Variants in ESYT2 observed in about 807,000 individuals in gnomAD.
ESYT2 encodes extended synaptotagmin 2.
A neutral mutation model predicts 107.2 loss-of-function variants in ESYT2; 54 were observed. The ratio of observed to expected loss-of-function variants is 0.50; its 90% confidence interval spans 0.40 to 0.63. The LOEUF (loss-of-function observed/expected upper bound fraction) is 0.63. Among genes scored for constraint, ESYT2 ranks in the 30% least tolerant of loss-of-function variants. The pLI, the probability that ESYT2 is intolerant of heterozygous loss-of-function variation, is 0.00. For synonymous variants in ESYT2, 491 were observed against 434.1 expected (o/e 1.13, Z -1.63); for missense variants, 1,020 against 1,094.5 (o/e 0.93, Z 0.96).
chr7:158,809,128 AG>A (rs1235139524), intron 1 of ESYT2, among the ~76,000 whole-genome samples: 3 of 152,046 alleles, frequency 2.0e-5, no homozygotes, highest in Non-Finnish European at 4.4e-5. Flanking sequence ...CCCACAGATA[AG>A]GGGGGGCTAC....
intron 4 of ESYT2, among the ~76,000 whole-genome samples, chr7:158,790,338 T>C (rs1488182243): frequency 6.6e-6 from 1 of 152,208 alleles, no homozygotes; most frequent in Non-Finnish European, 1.5e-5. Flanking sequence ...TCTGAGTTGC[T>C]AGACACTACA....
At chr7:158,784,766 A>C (rs1007356103) in intron 6 of ESYT2, among the ~76,000 whole-genome samples, 1 of 152,212 alleles carries the variant, frequency 6.6e-6, no homozygotes, top group Non-Finnish European at 1.5e-5. Context: ...AATAGGATTC[A>C]ATTTCTTCTC....
At chr7:158,769,028 T>C (rs1208149402) in intron 7 of ESYT2, among the ~76,000 whole-genome samples, 1 of 152,202 alleles carries the variant, frequency 6.6e-6, no homozygotes, top group African/African-American at 2.4e-5. Context: ...GTACTTTGCT[T>C]CTCGCCCGTA....
chr7:158,739,225 A>G, intron 18 of ESYT2, 104 bp from the exon 19 acceptor site: 1 of 953,682 alleles, frequency 1.0e-6, no homozygotes, highest in Non-Finnish European at 1.5e-6. Flanking sequence ...CATTTAGACA[A>G]AAAGAAGTCA....
chr7:158,795,702 C>T (rs1375425793), intron 3 of ESYT2, among the ~76,000 whole-genome samples: 1 of 151,998 alleles, frequency 6.6e-6, no homozygotes, highest in African/African-American at 2.4e-5. Flanking sequence ...GGCACTTTAA[C>T]TTGTAATTGT....
intron 11 of ESYT2, among the ~76,000 whole-genome samples, chr7:158,761,214 A>G (rs574813125): frequency 6.6e-6 from 1 of 152,332 alleles, no homozygotes; most frequent in African/African-American, 2.4e-5. Context: ...AGGGGATCGC[A>G]TATTTGTCTG....
Position 158,782,119 on chromosome 7 carries a change from G to C in ESYT2, c.747+5885C>G, listed in dbSNP as rs1838870359. 2.2e-5 allele frequency among the ~76,000 whole-genome samples: 3 copies of C among 133,516 alleles called. No homozygotes were observed. The Admixed American group carries it at 2.5e-4, about 11-fold the overall frequency. 87.6% of individuals were successfully genotyped at this position (133,516 alleles called of 152,430 possible). The stretch of plus-strand genomic sequence containing the variant: ...TGAACGACAACAAAGTGTGAGGTGT[G>C]AGTGTAAGAACGAGAACAAGTGAGT... On this transcript the variant is annotated intron_variant, in intron 6 of 22. Transcript: ENST00000275418.
chr7:158,800,317 G>C (rs1042825709), intron 1 of ESYT2, among the ~76,000 whole-genome samples: 3 of 152,164 alleles, frequency 2.0e-5, no homozygotes, highest in Admixed American at 6.5e-5. Flanking sequence ...AAAGTGCTGA[G>C]ATTATAGGTG....
intron 9 of ESYT2, among the ~76,000 whole-genome samples, chr7:158,763,431 A>T (rs2129472193): frequency 6.6e-6 from 1 of 152,054 alleles, no homozygotes; most frequent in Non-Finnish European, 1.5e-5. Context: ...AGTAGCTGGG[A>T]TTACAGGCAT....
rs200950002 is a variant in ESYT2 at position 158,781,295 on chromosome 7, C to T, written c.747+6709G>A. ...AGTGAACGAGTGTGAGAACAGTGTGCGGTGTGTGAGAACAACTGTGAGAGT... is the reference window on the plus strand; with the variant it reads ...AGTGAACGAGTGTGAGAACAGTGTGTGGTGTGTGAGAACAACTGTGAGAGT... On this transcript the variant is annotated intron_variant, in intron 6 of 22. Transcript: ENST00000275418. Among the ~76,000 whole-genome samples, 179 of 40,396 alleles carry T rather than the reference C, an allele frequency of 4.4e-3. 2 individuals carry two copies. The East Asian group carries it at 0.049, about 11-fold the overall frequency. The allele number at this position is 40,396 out of a possible 152,430, so 26.5% of individuals were successfully genotyped here.
At chr7:158,771,565 T>G (rs181398855) in intron 7 of ESYT2, among the ~76,000 whole-genome samples, 28 of 152,262 alleles carry the variant, frequency 1.8e-4, no homozygotes, top group Admixed American at 3.3e-4. Flanking sequence ...TAAATGCTTG[T>G]AGCTGCAGGC....
chr7:158,765,353 C>T (rs183086319), intron 8 of ESYT2, among the ~76,000 whole-genome samples: 402 of 152,286 alleles, frequency 2.6e-3, no homozygotes, highest in African/African-American at 8.9e-3. Context: ...GTTTCATTTT[C>T]AGAATAATTC....
intron 1 of ESYT2, 73 bp from the exon 2 acceptor site, chr7:158,799,145 C>T (rs781279847): frequency 1.3e-5 from 17 of 1,329,576 alleles, no homozygotes; most frequent in Non-Finnish European, 1.8e-5. Context: ...CAGGCAATTT[C>T]ATATTCTCAT....
At chr7:158,788,479 G>C in intron 4 of ESYT2, 62 bp from the exon 5 acceptor site, 5 of 1,327,346 alleles carry the variant, frequency 3.8e-6, no homozygotes, top group Non-Finnish European at 5.3e-6. Flanking sequence ...AATCATTATA[G>C]ACCTGCAAGA....
chr7:158,749,663 C>A lies in ESYT2; in HGVS notation c.1543G>T (p.Ala515Ser), dbSNP rs1163765989. 1 of 1,613,996 alleles carries A rather than the reference C, an allele frequency of 6.2e-7. No individual in the cohort carries two copies. Among genetic ancestry groups the A allele is most frequent in the Admixed American group, 1.7e-5 (1 of 59,984 alleles). Residue 515 changes from alanine to serine, a missense_variant, in exon 15 of 23, where the codon GCC becomes TCC. By Grantham distance (99) the Ala-to-Ser change is moderately conservative. Transcript: ENST00000275418. ...GAGCACCTTACCTTGCTCTCCTGGG[C>A]CTTGTGCCCAACTGACATCTGGACA... The part of the protein sequence containing the change: ...PVVQMSVGHK[A>S]QESKIRYKTN...
At position 158,829,444 on chromosome 7, in the gene ESYT2, C is replaced by A; in HGVS notation, c.-26G>T. 2 of 1,188,684 alleles carry A rather than the reference C, an allele frequency of 1.7e-6. No homozygotes were observed. The highest frequency in any genetic ancestry group is 2.1e-6 in the Non-Finnish European group (2 of 962,426). The allele number at this position is 1,188,684 out of a possible 1,614,324, so 73.6% of individuals were successfully genotyped here. On this transcript the variant is annotated 5_prime_UTR_variant, in exon 1 of 23. Transcript: ENST00000275418. ...CGCCCCGCAGTGCCGCGCTGCCCTC[C>A]CGGCCGAGGCGGGCTGGGTGCTCGC...
At chr7:158,767,337 C>A (rs1838197090) in intron 8 of ESYT2, among the ~76,000 whole-genome samples, 1 of 152,172 alleles carries the variant, frequency 6.6e-6, no homozygotes, top group African/African-American at 2.4e-5. Context: ...AAAACAAATG[C>A]AGTATGTGCT....
chr7:158,797,341 G>A (rs2129473524), intron 3 of ESYT2, among the ~76,000 whole-genome samples: 1 of 152,108 alleles, frequency 6.6e-6, no homozygotes. Context: ...TAGAGACGGA[G>A]TCCCACTTTG....
chr7:158,792,574 A>G (rs1426202635), intron 4 of ESYT2, among the ~76,000 whole-genome samples: 1 of 146,076 alleles, frequency 6.8e-6, no homozygotes, highest in African/African-American at 2.6e-5. Flanking sequence ...ATACATATAT[A>G]TAAATATATA....
Sources: gnomAD v4.1 joint callset for allele counts (sites outside exome capture counted in the v4.1 genomes callset) on GRCh38, gnomAD v4.1.1 for gene constraint, MANE v1.5 for transcripts, NCBI Gene and HGNC (gene_info 2026-07-23, HGNC 2026-07-21) for gene names.